RBM20: variants seen among roughly 807,000 people sequenced by gnomAD.
The protein encoded by RBM20 is RNA binding motif protein 20.
A neutral mutation model predicts 110.1 loss-of-function variants in RBM20; 51 were observed. The ratio of observed to expected loss-of-function variants is 0.46; its 90% CI spans 0.37 to 0.59. RBM20 has a LOEUF of 0.59. Ranked by LOEUF, RBM20 falls within the 20% of genes least tolerant of loss-of-function variation. The pLI, the probability that RBM20 is intolerant of heterozygous loss-of-function variation, is 0.00. For missense variants in RBM20, 1,512 were observed against 1,574.9 expected (o/e 0.96, Z 0.68); for synonymous variants, 589 against 618.2 (o/e 0.95, Z 0.70).
intron 1 of RBM20, among the ~76,000 whole-genome samples, chr10:110,730,616 G>T (rs1843610941): frequency 6.6e-6 from 1 of 152,222 alleles, no homozygotes; most frequent in South Asian, 2.1e-4. Flanking sequence ...TGTAAAATGG[G>T]CAGAATGCCC....
chr10:110,676,182 TCCATTGTACTGAA>T (rs1392559691), intron 1 of RBM20, among the ~76,000 whole-genome samples: 1 of 152,196 alleles, frequency 6.6e-6, no homozygotes, highest in Non-Finnish European at 1.5e-5. Flanking sequence ...CCAGGACATT[TCCATTGTACTGAA>T]ATTTGGCATA....
intron 1 of RBM20, among the ~76,000 whole-genome samples, chr10:110,679,499 G>A (rs1862390497): frequency 6.6e-6 from 1 of 152,204 alleles, no homozygotes; most frequent in African/African-American, 2.4e-5. Flanking sequence ...GGGATTAGAG[G>A]CATGAGCCAC....
chr10:110,803,812 C>CAA lies in RBM20; in HGVS notation c.1800+3920_1800+3921dup, dbSNP rs58202648. Among the ~76,000 whole-genome samples, 106 of 57,204 alleles carry CAA rather than the reference C, an allele frequency of 1.9e-3. 2 individuals carry two copies. The highest frequency in any genetic ancestry group is 0.015 in the South Asian group (12 of 824). The allele number at this position is 57,204 out of a possible 152,430, so 37.5% of individuals were successfully genotyped here. On this transcript the variant is annotated intron_variant, in intron 7 of 13. Coordinates refer to ENST00000369519, the MANE Select transcript of RBM20 (RefSeq NM_001134363.3). Reference sequence around the variant, plus strand: ...TCTCCATTAAGCCTGTTGGCTTAAGCAAAAAAAAAAAAAAAAAAAAAAAAA... The same window carrying CAA: ...TCTCCATTAAGCCTGTTGGCTTAAGCAAAAAAAAAAAAAAAAAAAAAAAAAAA...
chr10:110,656,959 A>G (rs1048240934), intron 1 of RBM20, among the ~76,000 whole-genome samples: 1 of 150,808 alleles, frequency 6.6e-6, no homozygotes, highest in Admixed American at 6.6e-5. Flanking sequence ...TTGTTTGAAC[A>G]TCTGTTTTTG....
At chr10:110,747,296 T>TG (rs370293230) in intron 1 of RBM20, among the ~76,000 whole-genome samples, 24,427 of 136,424 alleles carry the variant, frequency 0.18, 2,337 homozygotes, top group African/African-American at 0.26. Flanking sequence ...ACTCTTTTTT[T>TG]GGGGGGGGGG....
chr10:110,770,019 C>T (rs1844165493), intron 1 of RBM20, among the ~76,000 whole-genome samples: 1 of 152,192 alleles, frequency 6.6e-6, no homozygotes, highest in Non-Finnish European at 1.5e-5. Context: ...TACCCCCAGC[C>T]ACCTCACTAT....
At chr10:110,766,948 C>CG (rs1184727134) in intron 1 of RBM20, among the ~76,000 whole-genome samples, 2 of 138,094 alleles carry the variant, frequency 1.4e-5, no homozygotes, top group Non-Finnish European at 3.2e-5. Context: ...GCTGGCCGGG[C>CG]GGGGGGTGAC....
intron 7 of RBM20, among the ~76,000 whole-genome samples, chr10:110,808,109 T>C (rs1844718108): frequency 1.3e-5 from 2 of 152,238 alleles, no homozygotes; most frequent in African/African-American, 4.8e-5. Flanking sequence ...CGGAGTTCAT[T>C]GTGTGGCCCA....
chr10:110,788,232 A>G (rs1181085524), intron 5 of RBM20, among the ~76,000 whole-genome samples: 1 of 151,900 alleles, frequency 6.6e-6, no homozygotes, highest in Non-Finnish European at 1.5e-5. Flanking sequence ...TCCCTACCCC[A>G]CAAGCCGCTT....
At chr10:110,694,761 T>C (rs780609817) in intron 1 of RBM20, among the ~76,000 whole-genome samples, 1 of 152,164 alleles carries the variant, frequency 6.6e-6, no homozygotes, top group Non-Finnish European at 1.5e-5. Flanking sequence ...CTAGTTCAGT[T>C]AGAACATACC....
chr10:110,678,982 A>T (rs946861901), intron 1 of RBM20, among the ~76,000 whole-genome samples: 3 of 152,104 alleles, frequency 2.0e-5, no homozygotes, highest in Non-Finnish European at 4.4e-5. Context: ...TTTAATATGC[A>T]GGTTCTCGGT....
chr10:110,773,165 G>A (rs1590669301), intron 1 of RBM20, among the ~76,000 whole-genome samples: 1 of 152,214 alleles, frequency 6.6e-6, no homozygotes, highest in African/African-American at 2.4e-5. Context: ...TGTTCTTAAG[G>A]AGAAATTTTG....
At chr10:110,792,551 C>G (rs188700160) in intron 5 of RBM20, among the ~76,000 whole-genome samples, 1 of 152,160 alleles carries the variant, frequency 6.6e-6, no homozygotes, top group Non-Finnish European at 1.5e-5. Flanking sequence ...CAGTAACTGG[C>G]CCACAGTTAG....
chr10:110,678,102 A>G (rs892483193), intron 1 of RBM20, among the ~76,000 whole-genome samples: 8 of 152,216 alleles, frequency 5.3e-5, no homozygotes, highest in Non-Finnish European at 1.2e-4. Flanking sequence ...ACTATAAAAC[A>G]TAAACTGGGA....
chr10:110,835,059 G>T (rs1040059200), intron 13 of RBM20: 2 of 152,354 alleles, frequency 1.3e-5, no homozygotes, highest in Admixed American at 1.3e-4. Context: ...GTTGTTAAGA[G>T]TCTCAAATGT....
At chr10:110,815,317 A>C (rs1325434703) in intron 9 of RBM20, among the ~76,000 whole-genome samples, 1 of 152,212 alleles carries the variant, frequency 6.6e-6, no homozygotes, top group Non-Finnish European at 1.5e-5. Flanking sequence ...AAGGACACCC[A>C]GTAGTCTTTT....
chr10:110,831,681 A>AC lies in RBM20; in HGVS notation c.3573+499_3573+500insC, dbSNP rs1564668224. On this transcript the variant is annotated intron_variant, in intron 13 of 13. Coordinates refer to ENST00000369519, the MANE Select transcript of RBM20 (RefSeq NM_001134363.3). ...CTTGCTAGAATAAAAAAAAAAAAAA[A>AC]AAAAAAAAAACACTGCTTTGTTCTT... Among the ~76,000 whole-genome samples, 20 of 146,108 alleles carry AC rather than the reference A, an allele frequency of 1.4e-4. No individual in the cohort carries two copies. The East Asian group carries it at 2.0e-3, about 15-fold the overall frequency.
In RBM20 at chr10:110,812,580, A is replaced by G. The variant is rs1161452943; in HGVS notation, c.2183A>G (p.Glu728Gly). 8.4e-6 allele frequency: 13 copies of G among 1,551,676 alleles called. No individual in the cohort carries two copies. Among genetic ancestry groups the G allele is most frequent in the Non-Finnish European group, 1.1e-5 (13 of 1,146,974 alleles). ...LDKAELDERP[E>G]GGRPHREKYP... is the part of the protein sequence containing the mutation. The stretch of plus-strand genomic sequence containing the variant: ...AAGGCTGAGTTGGACGAGCGACCAG[A>G]AGGAGGGAGGCCCCACCGGGAGAAG... Residue 728 changes from glutamate (E) to glycine (G), a missense_variant, in exon 9 of 14, where the codon GAA becomes GGA. Glu to Gly is a moderately conservative substitution (Grantham distance 98). Coordinates refer to ENST00000369519, the MANE Select transcript of RBM20 (RefSeq NM_001134363.3).
chr10:110,823,542 G>T lies in RBM20; in HGVS notation c.3379G>T (p.Glu1127Ter), dbSNP rs1322081863. 1.9e-6 allele frequency: 3 copies of T among 1,546,892 alleles called. No homozygotes were observed. In the Admixed American group the frequency reaches 6.0e-5, roughly 31 times the overall value. The change falls in exon 12 of 14, where the codon GAA (glutamate) becomes TAA (stop). Residue 1127 changes from glutamate (E) to a stop codon, truncating the protein, a stop_gained. Coordinates refer to ENST00000369519, the MANE Select transcript of RBM20 (RefSeq NM_001134363.3). LOFTEE classifies it high-confidence loss of function. ...EVRSPEYTEV[E>*]LKQPLSLPSW... ...GAGGTCACCAGAGTACACTGAAGTG[G>T]AACTGAAACAGCCCCTTTCTTTGCC... is the stretch of plus-strand genomic sequence containing the variant.
Sources: allele counts gnomAD v4.1 joint callset (sites outside exome capture counted in the v4.1 genomes callset), GRCh38; gene constraint gnomAD v4.1.1; transcripts MANE v1.5; gene names NCBI Gene and HGNC (gene_info 2026-07-23, HGNC 2026-07-21).